NEURL1: variants seen among roughly 807,000 people sequenced by gnomAD.
NEURL1 encodes the protein E3 ubiquitin-protein ligase NEURL1.
Under a neutral mutation model 41.2 loss-of-function variants are expected in NEURL1, and 26 were observed. That is an observed-to-expected ratio of 0.63 (90% CI 0.46 to 0.87). The LOEUF is 0.87. Ranked by LOEUF, NEURL1 falls within the 40% of genes least tolerant of loss-of-function variation. The pLI is 0.00. For missense variants in NEURL1, 761 were observed against 871.1 expected (o/e 0.87, Z 1.59); for synonymous variants, 400 against 402.3 (o/e 0.99, Z 0.07).
chr10:103,531,095 G>A (rs559316838), intron 1 of NEURL1, among the ~76,000 whole-genome samples: 11 of 151,596 alleles, frequency 7.3e-5, no homozygotes, highest in East Asian at 3.9e-4. Context: ...TGGTGTGTGC[G>A]TGTAATCCCA....
intron 2 of NEURL1, 47 bp downstream of exon 2, chr10:103,571,160 C>T (rs766519521): frequency 6.3e-7 from 1 of 1,583,308 alleles, no homozygotes; most frequent in African/African-American, 1.3e-5. Context: ...TTCCTGCTCC[C>T]CTCATGGCAT....
At chr10:103,549,999 T>C (rs1490966955) in intron 1 of NEURL1, among the ~76,000 whole-genome samples, 1 of 152,264 alleles carries the variant, frequency 6.6e-6, no homozygotes, top group Non-Finnish European at 1.5e-5. Context: ...CTGGCCCCAG[T>C]GCTCTCTGGA....
At chr10:103,521,638 G>T (rs1277018793) in intron 1 of NEURL1, among the ~76,000 whole-genome samples, 1 of 152,176 alleles carries the variant, frequency 6.6e-6, no homozygotes, top group Non-Finnish European at 1.5e-5. Flanking sequence ...ATGAAATGAT[G>T]ATAGAATAGA....
rs752373029 is a variant in NEURL1, at chr10:103,584,921, G to A, written c.1035G>A (p.Ser345=). The change falls in exon 4 of 6, where the codon TCG becomes TCA. Residue 345 remains serine (S), a synonymous_variant. Transcript: ENST00000369780. Reference sequence around the variant, plus strand: ...CCATCTTCGTCAAGGTCACGCGCTCGGGTGGCGCGCGGCCCGGCGCGCTGT... The same window carrying A: ...CCATCTTCGTCAAGGTCACGCGCTCAGGTGGCGCGCGGCCCGGCGCGCTGT... ...AETIFVKVTR[S]GGARPGALSF... The A allele has an allele frequency of 5.4e-6, 8 of 1,478,320 alleles. No homozygotes were observed. In the South Asian group the frequency reaches 9.0e-5, roughly 17 times the overall value. The allele number at this position is 1,478,320 out of a possible 1,614,324, so 91.6% of individuals were successfully genotyped here.
At chr10:103,570,160 C>T (rs1342187431) in intron 1 of NEURL1, among the ~76,000 whole-genome samples, 1 of 152,242 alleles carries the variant, frequency 6.6e-6, no homozygotes, top group Non-Finnish European at 1.5e-5. Flanking sequence ...ACCCTCTTCT[C>T]CATTCTTCAC....
intron 1 of NEURL1, among the ~76,000 whole-genome samples, chr10:103,560,154 TG>T (rs1194783449): frequency 2.0e-5 from 3 of 151,880 alleles, no homozygotes; most frequent in Admixed American, 6.6e-5. Flanking sequence ...GTGCCATCTG[TG>T]TGTGTGCACG....
intron 1 of NEURL1, among the ~76,000 whole-genome samples, chr10:103,497,912 G>A (rs561391539): frequency 3.9e-5 from 6 of 152,316 alleles, no homozygotes; most frequent in African/African-American, 1.2e-4. Context: ...GGGTATCAGG[G>A]GAGGATCTGA....
chr10:103,511,284 A>G (rs2034063265), intron 1 of NEURL1, among the ~76,000 whole-genome samples: 1 of 152,142 alleles, frequency 6.6e-6, no homozygotes, highest in African/African-American at 2.4e-5. Context: ...CTGGGTCTGC[A>G]GGGACCCCCA....
At chr10:103,588,185 A>G (rs372860513) in intron 4 of NEURL1, among the ~76,000 whole-genome samples, 5 of 152,148 alleles carry the variant, frequency 3.3e-5, no homozygotes, top group Middle Eastern at 3.4e-3. Flanking sequence ...AGGCGCCTGT[A>G]GTCCCAGCTA....
chr10:103,518,266 A>C (rs571251658), intron 1 of NEURL1, among the ~76,000 whole-genome samples: 1 of 152,272 alleles, frequency 6.6e-6, no homozygotes, highest in Admixed American at 6.5e-5. Context: ...TTAAAAGAGC[A>C]AATTGTGTAA....
chr10:103,516,227 C>CAA (rs59180957), intron 1 of NEURL1, among the ~76,000 whole-genome samples: 1,381 of 59,292 alleles, frequency 0.023, 58 homozygotes, highest in South Asian at 0.045. Context: ...GACCCCATCT[C>CAA]AAAAAAAAAA....
intron 1 of NEURL1, among the ~76,000 whole-genome samples, chr10:103,534,793 C>T (rs550521327): frequency 2.6e-5 from 4 of 152,008 alleles, no homozygotes; most frequent in African/African-American, 2.4e-5. Context: ...GTCTTGCAAG[C>T]GTATTATGCC....
At chr10:103,516,227 C>CAAAAAAAAAAAAAAAAAAAAA (rs59180957) in intron 1 of NEURL1, among the ~76,000 whole-genome samples, 1 of 59,350 alleles carries the variant, frequency 1.7e-5, no homozygotes, top group Non-Finnish European at 3.3e-5. Flanking sequence ...GACCCCATCT[C>CAAAAAAAAAAAAAAAAAAAAA]AAAAAAAAAA....
In NEURL1 at chr10:103,589,524, C is replaced by T. The variant is rs770615733; in HGVS notation, c.1350C>T (p.Ile450=). 2 of 1,610,710 alleles carry T rather than the reference C, an allele frequency of 1.2e-6. No homozygotes were observed. Among genetic ancestry groups the T allele is most frequent in the East Asian group, 4.5e-5 (2 of 44,806 alleles). The part of the protein sequence containing the change: ...ITQIRILGST[I]LAERGIPSLP... ...CCTCCCCTTTCACAGGCTCCACTAT[C>T]CTGGCCGAGCGGGGTATCCCATCAC... Residue 450 remains isoleucine, a synonymous_variant, in exon 5 of 6, where the codon ATC becomes ATT. Transcript: ENST00000369780.
At chr10:103,531,508 G>T (rs1188421800) in intron 1 of NEURL1, among the ~76,000 whole-genome samples, 1 of 151,808 alleles carries the variant, frequency 6.6e-6, no homozygotes, top group Non-Finnish European at 1.5e-5. Flanking sequence ...CCAAAGTGCT[G>T]GGATTACAGA....
At chr10:103,563,747 G>A (rs991631031) in intron 1 of NEURL1, among the ~76,000 whole-genome samples, 1 of 152,136 alleles carries the variant, frequency 6.6e-6, no homozygotes, top group African/African-American at 2.4e-5. Flanking sequence ...TCCCATGAAG[G>A]CCTGCCATGA....
intron 1 of NEURL1, among the ~76,000 whole-genome samples, chr10:103,542,811 G>A (rs201285876): frequency 6.6e-6 from 1 of 152,160 alleles, no homozygotes; most frequent in East Asian, 1.9e-4. Flanking sequence ...GTGAGTGCTC[G>A]TAGGCTTTGC....
rs1281328993 is a variant in NEURL1 at position 103,590,261 on chromosome 10, C to T, written c.1614C>T (p.His538=). The T allele has an allele frequency of 6.2e-7, 1 of 1,614,206 alleles. No individual in the cohort carries two copies. The highest frequency in any genetic ancestry group is 1.1e-5 in the South Asian group (1 of 91,080). ...ACACGGTCATCTACACATGTGGCCA[C>T]ATGTGCCTCTGCTACGCCTGTGGCC... ...AVDTVIYTCG[H]MCLCYACGLR... Residue 538 remains histidine, a synonymous_variant, in exon 6 of 6, where the codon CAC becomes CAT. Transcript: ENST00000369780.
At chr10:103,570,736 G>T in intron 1 of NEURL1, 136 bp from the exon 2 acceptor site, 1 of 1,406,960 alleles carries the variant, frequency 7.1e-7, no homozygotes, top group Non-Finnish European at 9.7e-7. Flanking sequence ...ATGGTGGCAA[G>T]GGGTGGCGGC....
Sources: gnomAD v4.1 joint callset for allele counts (sites outside exome capture counted in the v4.1 genomes callset) on GRCh38, gnomAD v4.1.1 for gene constraint, MANE v1.5 for transcripts, NCBI Gene and HGNC (gene_info 2026-07-23, HGNC 2026-07-21) for gene names.